Variants in MAGOH observed in about 807,000 individuals in gnomAD.
The protein encoded by MAGOH is protein mago nashi homolog.
Under a neutral mutation model 20.9 loss-of-function variants are expected in MAGOH, and 3 were observed. That is an observed-to-expected ratio of 0.14 (90% CI 0.07 to 0.37). MAGOH has a LOEUF of 0.37. MAGOH is among the 10% of genes least tolerant of loss of function. The pLI, the probability that MAGOH is intolerant of heterozygous loss-of-function variation, is 1.00. For synonymous variants in MAGOH, 51 were observed against 61.0 expected (o/e 0.84, Z 0.76); for missense variants, 66 against 178.1 (o/e 0.37, Z 3.58).
At chr1:53,230,340 T>G (rs1183343748) in intron 3 of MAGOH, among the ~76,000 whole-genome samples, 1 of 152,158 alleles carries the variant, frequency 6.6e-6, no homozygotes, top group African/African-American at 2.4e-5. Context: ...TATTACAAAG[T>G]TTATGTCCAT....
intron 3 of MAGOH, among the ~76,000 whole-genome samples, chr1:53,230,542 C>T (rs772569473): frequency 6.6e-6 from 1 of 151,688 alleles, no homozygotes; most frequent in Non-Finnish European, 1.5e-5. Context: ...TTTAGCTTCT[C>T]GAATAGCTAG....
chr1:53,234,373 C>CTTTTTTT, intron 2 of MAGOH, among the ~76,000 whole-genome samples: 1 of 132,714 alleles, frequency 7.5e-6, no homozygotes, highest in Non-Finnish European at 1.6e-5. Context: ...CCTGGTTATT[C>CTTTTTTT]TTTTTTTTTT....
chr1:53,228,139 A>G (rs1645569206), intron 4 of MAGOH, among the ~76,000 whole-genome samples: 1 of 152,154 alleles, frequency 6.6e-6, no homozygotes, highest in Non-Finnish European at 1.5e-5. Context: ...TGTAAAAAAC[A>G]ATAAATTTAA....
At chr1:53,231,576 T>A (rs991505690) in intron 3 of MAGOH, among the ~76,000 whole-genome samples, 58 of 152,218 alleles carry the variant, frequency 3.8e-4, no homozygotes, top group African/African-American at 1.3e-3. Flanking sequence ...CTTTTCCCAT[T>A]AATGTGAAAG....
chr1:53,228,065 T>C (rs1645568940), intron 4 of MAGOH, among the ~76,000 whole-genome samples: 1 of 152,204 alleles, frequency 6.6e-6, no homozygotes, highest in Non-Finnish European at 1.5e-5. Flanking sequence ...CTCAACTTGA[T>C]AATCTGCCCC....
At chr1:53,230,574 C>T (rs563232990) in intron 3 of MAGOH, among the ~76,000 whole-genome samples, 3 of 151,804 alleles carry the variant, frequency 2.0e-5, no homozygotes, top group South Asian at 2.1e-4. Context: ...TGCGCCACCA[C>T]GCCCAGTTAA....
chr1:53,235,505 A>C, intron 2 of MAGOH, 72 bp downstream of exon 2: 2 of 1,305,718 alleles, frequency 1.5e-6, no homozygotes, highest in Non-Finnish European at 2.2e-6. Context: ...TACTAGAAAC[A>C]ATAAAAACAA....
chr1:53,228,863 C>A lies in MAGOH; in HGVS notation c.341+9G>T. ...GACACAACTGGATATAAGGATCATG[C>A]ACACTTACTTGGATTGATTGACATC... On this transcript the variant is annotated intron_variant, in intron 4 of 4. Coordinates refer to ENST00000371470, the MANE Select transcript of MAGOH (RefSeq NM_002370.4). 4 of 1,590,052 alleles carry A rather than the reference C, an allele frequency of 2.5e-6. No homozygotes were observed. The highest frequency in any genetic ancestry group is 3.5e-6 in the Non-Finnish European group (4 of 1,158,230).
chr1:53,228,558 C>T (rs77457375), intron 4 of MAGOH, among the ~76,000 whole-genome samples: 7 of 152,300 alleles, frequency 4.6e-5, no homozygotes, highest in East Asian at 1.9e-4. Context: ...TATTCAGACT[C>T]GGTGACTCTA....
intron 2 of MAGOH, 132 bp from the exon 3 acceptor site, chr1:53,233,784 A>G (rs1409015503): frequency 1.5e-6 from 1 of 660,832 alleles, no homozygotes; most frequent in Non-Finnish European, 2.7e-6. Flanking sequence ...GAAGACATTC[A>G]TGCTCAACCT....
At chr1:53,234,173 T>C (rs764524288) in intron 2 of MAGOH, among the ~76,000 whole-genome samples, 1 of 152,158 alleles carries the variant, frequency 6.6e-6, no homozygotes, top group Non-Finnish European at 1.5e-5. Flanking sequence ...TCATTCCTTC[T>C]GGAGGATGCA....
At chr1:53,236,803 T>C (rs1372764114) in intron 1 of MAGOH, among the ~76,000 whole-genome samples, 1 of 152,204 alleles carries the variant, frequency 6.6e-6, no homozygotes, top group East Asian at 1.9e-4. Flanking sequence ...GTGGATGTCT[T>C]CTGTCATCTT....
At chr1:53,228,359 G>A (rs1645570445) in intron 4 of MAGOH, among the ~76,000 whole-genome samples, 1 of 152,100 alleles carries the variant, frequency 6.6e-6, no homozygotes, top group Non-Finnish European at 1.5e-5. Flanking sequence ...TTGAACTCAG[G>A]AGGCAGAGGT....
intron 3 of MAGOH, among the ~76,000 whole-genome samples, chr1:53,231,186 T>C (rs937392662): frequency 1.3e-5 from 2 of 152,272 alleles, no homozygotes; most frequent in Non-Finnish European, 2.9e-5. Flanking sequence ...AATCTTTTCA[T>C]ATTAGCCACT....
chr1:53,228,571 G>A (rs577626383), intron 4 of MAGOH, among the ~76,000 whole-genome samples: 8 of 152,204 alleles, frequency 5.3e-5, no homozygotes, highest in Non-Finnish European at 1.2e-4. Flanking sequence ...TGACTCTACA[G>A]TTTATCATGA....
chr1:53,229,668 C>T (rs1340023414), intron 3 of MAGOH, among the ~76,000 whole-genome samples: 1 of 152,138 alleles, frequency 6.6e-6, no homozygotes, highest in African/African-American at 2.4e-5. Context: ...CCTGTAATCC[C>T]AGCAGTTTGG....
At chr1:53,228,464 T>C (rs1645570933) in intron 4 of MAGOH, among the ~76,000 whole-genome samples, 1 of 152,040 alleles carries the variant, frequency 6.6e-6, no homozygotes, top group African/African-American at 2.4e-5. Context: ...TATAATAAAA[T>C]AAAACTTAGA....
intron 3 of MAGOH, among the ~76,000 whole-genome samples, chr1:53,232,576 T>C (rs1645591263): frequency 6.6e-6 from 1 of 152,192 alleles, no homozygotes; most frequent in Non-Finnish European, 1.5e-5. Context: ...ATAGAGACAG[T>C]CTTGTATAAA....
chr1:53,233,338 AATAC>A (rs1645595400), intron 3 of MAGOH, 200 bp downstream of exon 3: 1 of 472,802 alleles, frequency 2.1e-6, no homozygotes, highest in South Asian at 3.6e-5. Context: ...CATGAATTTA[AATAC>A]ATACACTGAA....
Sources: allele counts gnomAD v4.1 joint callset (sites outside exome capture counted in the v4.1 genomes callset), GRCh38; gene constraint gnomAD v4.1.1; transcripts MANE v1.5; gene names NCBI Gene and HGNC (gene_info 2026-07-23, HGNC 2026-07-21).